HSPA12A: variants seen among roughly 807,000 people sequenced by gnomAD.
HSPA12A encodes heat shock 70 kDa protein 12A.
In HSPA12A, 28 loss-of-function variants were observed where a neutral mutation model predicts 69.2. That is an observed-to-expected ratio of 0.40 (90% CI 0.30 to 0.55). The LOEUF (loss-of-function observed/expected upper bound fraction) is 0.55. Among genes scored for constraint, HSPA12A ranks in the 20% least tolerant of loss-of-function variants. The pLI is 0.38. For missense variants in HSPA12A, 686 were observed against 900.7 expected (o/e 0.76, Z 3.05); for synonymous variants, 345 against 370.5 (o/e 0.93, Z 0.79).
chr10:116,792,863 T>C (rs1188130631), intron 2 of HSPA12A, among the ~76,000 whole-genome samples: 1 of 151,554 alleles, frequency 6.6e-6, no homozygotes, highest in Non-Finnish European at 1.5e-5. Flanking sequence ...AAAAAGAAAA[T>C]CTATTCCTGA....
At position 116,701,063 on chromosome 10, in the gene HSPA12A, G is replaced by T. The variant is rs1316824112; in HGVS notation, c.321C>A (p.Pro107=). 6.8e-6 allele frequency: 11 copies of T among 1,614,128 alleles called. No individual in the cohort carries two copies. Among genetic ancestry groups the T allele is most frequent in the Non-Finnish European group, 9.3e-6 (11 of 1,180,020 alleles). The change falls in exon 4 of 12, where the codon CCC becomes CCA. Residue 107 remains proline (P), a synonymous_variant. Transcript: ENST00000369209. ...QKTPTTILLT[P]ERKFHSFGYA... Reference sequence around the variant, plus strand: ...ACCCGAAGCTGTGGAACTTCCTCTCGGGAGTCAGCAAGATGGTGGTTGGAG... The same window carrying T: ...ACCCGAAGCTGTGGAACTTCCTCTCTGGAGTCAGCAAGATGGTGGTTGGAG...
At chr10:116,833,823 T>C (rs1030416604) in intron 2 of HSPA12A, among the ~76,000 whole-genome samples, 7 of 152,204 alleles carry the variant, frequency 4.6e-5, no homozygotes, top group African/African-American at 1.7e-4. Flanking sequence ...GGTTTTTGTT[T>C]TGTTTTATTT....
chr10:116,685,658 T>C (rs1031876957), intron 6 of HSPA12A, among the ~76,000 whole-genome samples: 2 of 148,252 alleles, frequency 1.3e-5, no homozygotes, highest in East Asian at 2.0e-4. Flanking sequence ...AAAAAAAGAA[T>C]GCAAAGGACC....
chr10:116,745,756 C>A (rs1328501252), upstream of HSPA12A, among the ~76,000 whole-genome samples: 1 of 152,180 alleles, frequency 6.6e-6, no homozygotes, highest in Non-Finnish European at 1.5e-5. Flanking sequence ...AGGACACCAC[C>A]TAGCCCTCCA....
intron 10 of HSPA12A, 84 bp downstream of exon 10, chr10:116,679,419 G>A (rs998448828): frequency 1.4e-5 from 22 of 1,537,736 alleles, no homozygotes; most frequent in Middle Eastern, 2.4e-4. Flanking sequence ...ATTGGAACCC[G>A]AAGTCCACAC....
intron 2 of HSPA12A, among the ~76,000 whole-genome samples, chr10:116,782,379 G>A (rs1844482266): frequency 6.6e-6 from 1 of 152,232 alleles, no homozygotes; most frequent in Non-Finnish European, 1.5e-5. Flanking sequence ...CCTAGTGCCT[G>A]TGCCCAAGCC....
Position 116,707,196 on chromosome 10 carries a change from T to C in HSPA12A, c.126+4A>G. The C allele has an allele frequency of 6.4e-7, 1 of 1,568,570 alleles. No individual in the cohort carries two copies. Among genetic ancestry groups the C allele is most frequent in the Non-Finnish European group, 8.7e-7 (1 of 1,146,554 alleles). On this transcript the variant is annotated splice_donor_region_variant and intron_variant, in intron 2 of 11. Coordinates refer to ENST00000369209, the MANE Select transcript of HSPA12A (RefSeq NM_025015.3). ...ACACACACACACACACACACACTTCTTACCACAATATGGGAGGGGGACAGA... is the reference window on the plus strand; with the variant it reads ...ACACACACACACACACACACACTTCCTACCACAATATGGGAGGGGGACAGA...
chr10:116,806,727 G>C (rs1212538994), intron 2 of HSPA12A, among the ~76,000 whole-genome samples: 1 of 152,214 alleles, frequency 6.6e-6, no homozygotes, highest in African/African-American at 2.4e-5. Flanking sequence ...AGGCCATTGG[G>C]AGACAGAAGG....
chr10:116,780,066 G>C (rs542542127), intron 2 of HSPA12A, among the ~76,000 whole-genome samples: 1 of 152,138 alleles, frequency 6.6e-6, no homozygotes, highest in Non-Finnish European at 1.5e-5. Context: ...TCCTTCTCAC[G>C]CGAAGGGCAA....
At chr10:116,758,955 TA>T (rs1843912641) in intron 2 of HSPA12A, among the ~76,000 whole-genome samples, 1 of 152,146 alleles carries the variant, frequency 6.6e-6, no homozygotes, top group African/African-American at 2.4e-5. Flanking sequence ...GAAGGAACTT[TA>T]AAGGTGATGT....
chr10:116,822,053 A>G (rs1845416348), intron 2 of HSPA12A, among the ~76,000 whole-genome samples: 1 of 152,258 alleles, frequency 6.6e-6, no homozygotes, highest in Admixed American at 6.5e-5. Context: ...AGGCATTTAC[A>G]TCACTTTGTA....
chr10:116,744,375 C>G (rs1054562253), upstream of HSPA12A, among the ~76,000 whole-genome samples: 1 of 152,218 alleles, frequency 6.6e-6, no homozygotes, highest in African/African-American at 2.4e-5. Context: ...TCAAGGCACT[C>G]GTTCCTCCCC....
chr10:116,676,610 G>T, intron 10 of HSPA12A, 108 bp from the exon 11 acceptor site: 1 of 874,096 alleles, frequency 1.1e-6, no homozygotes, highest in Non-Finnish European at 1.8e-6. Flanking sequence ...TTCTTAGCAG[G>T]CAGAAAGGGG....
chr10:116,695,325 G>A (rs961367618), intron 5 of HSPA12A, among the ~76,000 whole-genome samples: 3 of 152,142 alleles, frequency 2.0e-5, no homozygotes, highest in African/African-American at 7.2e-5. Context: ...GTGGGAGGTG[G>A]GGCCTAATGG....
intron 2 of HSPA12A, among the ~76,000 whole-genome samples, chr10:116,758,123 T>C (rs1488002889): frequency 6.6e-6 from 1 of 152,182 alleles, no homozygotes; most frequent in Non-Finnish European, 1.5e-5. Flanking sequence ...GGATAGGTGG[T>C]TTAGAAGCAG....
chr10:116,717,046 C>T (rs966709742), intron 1 of HSPA12A, among the ~76,000 whole-genome samples: 2 of 152,210 alleles, frequency 1.3e-5, no homozygotes, highest in Non-Finnish European at 2.9e-5. Flanking sequence ...ATAGTCAGCA[C>T]TCACTGCATG....
At chr10:116,835,681 C>A (rs1345567400) in intron 1 of HSPA12A, among the ~76,000 whole-genome samples, 2 of 152,202 alleles carry the variant, frequency 1.3e-5, no homozygotes, top group African/African-American at 4.8e-5. Context: ...TTTCTAGAAG[C>A]CCCACGAACA....
chr10:116,805,288 C>G (rs988851933), intron 2 of HSPA12A, among the ~76,000 whole-genome samples: 1 of 152,100 alleles, frequency 6.6e-6, no homozygotes, highest in Non-Finnish European at 1.5e-5. Flanking sequence ...TGCACTCCAG[C>G]CTGGGCGACA....
At chr10:116,758,569 C>A (rs1388329707) in intron 2 of HSPA12A, among the ~76,000 whole-genome samples, 1 of 152,020 alleles carries the variant, frequency 6.6e-6, no homozygotes, top group African/African-American at 2.4e-5. Context: ...ATGAGGCCAG[C>A]GGAGATGGTT....
Sources: allele counts gnomAD v4.1 joint callset (sites outside exome capture counted in the v4.1 genomes callset), GRCh38; gene constraint gnomAD v4.1.1; transcripts MANE v1.5; gene names NCBI Gene and HGNC (gene_info 2026-07-23, HGNC 2026-07-21).